The following DHX30 variants were observed in gnomAD, a reference collection of about 807,000 sequenced individuals.
DHX30 encodes ATP-dependent RNA helicase DHX30.
A neutral mutation model predicts 116.9 loss-of-function variants in DHX30; 4 were observed. That is an observed-to-expected ratio of 0.03 (90% CI 0.02 to 0.08). The LOEUF is 0.08. Ranked by LOEUF, DHX30 falls within the 10% of genes least tolerant of loss-of-function variation. The pLI is 1.00. For missense variants in DHX30, 871 were observed against 1,595.1 expected (o/e 0.55, Z 7.73); for synonymous variants, 697 against 651.7 (o/e 1.07, Z -1.06).
At position 47,846,738 on chromosome 3, in the gene DHX30, G is replaced by A. The variant is rs36045705; in HGVS notation, c.1666G>A (p.Val556Ile). 9.2e-5 allele frequency: 149 copies of A among 1,614,018 alleles called. No homozygotes were observed. The African/African-American group carries it at 1.5e-3, about 16-fold the overall frequency. The change falls in exon 11 of 22, where the codon GTC becomes ATC. Residue 556 changes from valine (V) to isoleucine (I), a missense_variant. Coordinates refer to ENST00000445061, the MANE Select transcript of DHX30 (RefSeq NM_138615.3). ...SNPSLEGVSH[V>I]IVDEVHERDV... ...CCCCAGCCTGGAGGGCGTGAGCCAC[G>A]TCATCGTGGATGAGGTGCATGAGCG... is the stretch of plus-strand genomic sequence containing the variant.
At chr3:47,822,415 G>A (rs1188903003) in intron 4 of DHX30, 1 of 152,312 alleles carries the variant, frequency 6.6e-6, no homozygotes, top group Non-Finnish European at 1.5e-5. Context: ...TGGCTGGAGA[G>A]GCCTCACAAC....
Position 47,848,969 on chromosome 3 carries a change from T to C in DHX30, c.2819T>C (p.Val940Ala). 1 of 1,613,368 alleles carries C rather than the reference T, an allele frequency of 6.2e-7. No individual in the cohort carries two copies. Among genetic ancestry groups the C allele is most frequent in the Non-Finnish European group, 8.5e-7 (1 of 1,179,682 alleles). ...HDSGSDHLAF[V>A]RAVAGWEEVL... is the part of the protein sequence containing the mutation. ...AGCGGCAGTGACCACCTGGCCTTTGTGCGGGCTGTCGCCGGCTGGGAGGAG... is the reference window on the plus strand; with the variant it reads ...AGCGGCAGTGACCACCTGGCCTTTGCGCGGGCTGTCGCCGGCTGGGAGGAG... Residue 940 changes from valine (V) to alanine (A), a missense_variant, in exon 18 of 22, where the codon GTG (valine) becomes GCG (alanine). Val to Ala is a moderately conservative substitution (Grantham distance 64, BLOSUM62 0). Coordinates refer to ENST00000445061, the MANE Select transcript of DHX30 (RefSeq NM_138615.3). The surrounding 1 kb of genome is among the most constrained non-coding windows in gnomAD (Gnocchi z 9.4).
At position 47,847,714 on chromosome 3, in the gene DHX30, G is replaced by A. The variant is rs1440789968; in HGVS notation, c.2111-67G>A. 2 of 1,561,630 alleles carry A rather than the reference G, an allele frequency of 1.3e-6. No individual in the cohort carries two copies. The highest frequency in any genetic ancestry group is 1.4e-5 in the African/African-American group (1 of 73,730). On this transcript the variant is annotated intron_variant, in intron 13 of 21. Transcript: ENST00000445061. This position sits in a 1 kb window ranked among gnomAD's most constrained non-coding sequence, Gnocchi z 5.5. ...AAAATGGGGTCAAAATCCTTGCCCT[G>A]CCCACATTCCAGGGGGGAATTCTGG...
At chr3:47,818,214 A>G (rs1377626502) in intron 4 of DHX30, 97 bp downstream of exon 4, 1 of 701,136 alleles carries the variant, frequency 1.4e-6, no homozygotes, top group Non-Finnish European at 2.6e-6. Flanking sequence ...ACAGCCCTCC[A>G]GAAAGTGAGT....
At chr3:47,845,601 T>C (rs376205995) in intron 9 of DHX30, 99 bp from the exon 10 acceptor site, 5 of 1,346,846 alleles carry the variant, frequency 3.7e-6, no homozygotes, top group East Asian at 2.5e-5. Context: ...CTCTTAGAGA[T>C]TACTTGGCAC....
chr3:47,813,521 G>T (rs2035895051), intron 3 of DHX30, among the ~76,000 whole-genome samples: 1 of 152,188 alleles, frequency 6.6e-6, no homozygotes, highest in Non-Finnish European at 1.5e-5. Flanking sequence ...TGAGAGCTTT[G>T]TATTTCTTAG....
At chr3:47,841,408 A>ATCTTATCT (rs1295213049) in intron 7 of DHX30, among the ~76,000 whole-genome samples, 1 of 152,176 alleles carries the variant, frequency 6.6e-6, no homozygotes, top group African/African-American at 2.4e-5. Flanking sequence ...GCTCTCTGCT[A>ATCTTATCT]TCTTATCTGT....
At chr3:47,805,301 A>G (rs1188383906) in intron 1 of DHX30, 25 bp from the exon 2 acceptor site, 1 of 398,918 alleles carries the variant, frequency 2.5e-6, no homozygotes, top group Non-Finnish European at 4.4e-6. Context: ...CCTCCACTGT[A>G]TTGACTCAGC....
chr3:47,810,800 A>G (rs2035754881), intron 3 of DHX30, 89 bp downstream of exon 3: 4 of 1,334,644 alleles, frequency 3.0e-6, no homozygotes, highest in African/African-American at 2.9e-5. Context: ...CCCAGTATGT[A>G]GTTCTTGCAC....
chr3:47,809,566 A>G (rs1219778907), intron 2 of DHX30, among the ~76,000 whole-genome samples: 1 of 152,126 alleles, frequency 6.6e-6, no homozygotes, highest in African/African-American at 2.4e-5. Flanking sequence ...CTTAAAGTAA[A>G]TGTTATCATT....
rs532191042 is a variant in DHX30, at chr3:47,835,907, A to G, written c.367-4970A>G. ...GAGAGTGGCCAGGGGCCATTTGGCA[A>G]TGTCTGTAGGGATTTTCGTTGGACA... On this transcript the variant is annotated intron_variant, in intron 6 of 21. Transcript: ENST00000445061. Among the ~76,000 whole-genome samples the G allele has an allele frequency of 5.9e-5, 9 of 152,306 alleles. No homozygotes were observed. The East Asian group carries it at 1.5e-3, about 26-fold the overall frequency.
chr3:47,815,343 C>T (rs1197798261), intron 3 of DHX30, among the ~76,000 whole-genome samples: 1 of 152,176 alleles, frequency 6.6e-6, no homozygotes, highest in Non-Finnish European at 1.5e-5. Flanking sequence ...ATAGCCTTGC[C>T]TCAGCATGCA....
At chr3:47,824,865 C>T (rs571494586) in intron 4 of DHX30, 4 of 458,066 alleles carry the variant, frequency 8.7e-6, no homozygotes, top group Non-Finnish European at 1.5e-5. Context: ...GCGCCGAGCC[C>T]GCCTACTGAA....
At chr3:47,834,829 G>A (rs983187681) in intron 6 of DHX30, among the ~76,000 whole-genome samples, 4 of 152,138 alleles carry the variant, frequency 2.6e-5, no homozygotes, top group Non-Finnish European at 4.4e-5. Flanking sequence ...TTTGACAGAT[G>A]CTTAGGTTGT....
intron 2 of DHX30, among the ~76,000 whole-genome samples, chr3:47,808,324 C>T (rs1014274253): frequency 6.6e-6 from 1 of 151,902 alleles, no homozygotes; most frequent in Non-Finnish European, 1.5e-5. Flanking sequence ...CGAAGTGATC[C>T]TCCTGCCTCA....
chr3:47,832,233 A>G (rs887441943), intron 6 of DHX30, among the ~76,000 whole-genome samples: 1 of 152,012 alleles, frequency 6.6e-6, no homozygotes, highest in African/African-American at 2.4e-5. Flanking sequence ...GTATCCCCAC[A>G]GTGCTCTGTA....
intron 6 of DHX30, chr3:47,830,817 A>G (rs1453752735): frequency 6.6e-6 from 1 of 151,720 alleles, no homozygotes; most frequent in Non-Finnish European, 1.5e-5. Context: ...CTGGTCCCAA[A>G]CTCCTGGTCT....
chr3:47,830,214 C>T (rs1223483065), intron 6 of DHX30, among the ~76,000 whole-genome samples: 2 of 150,630 alleles, frequency 1.3e-5, no homozygotes, highest in Non-Finnish European at 3.0e-5. Context: ...CTTTGGGAGG[C>T]CGAGGTGGGC....
chr3:47,841,769 G>T (rs1347803855), intron 8 of DHX30, 32 bp downstream of exon 8: 2 of 1,613,904 alleles, frequency 1.2e-6, no homozygotes, highest in Non-Finnish European at 1.7e-6. Flanking sequence ...TTTGTGTGGG[G>T]GCCGTTTACT....
Sources: gnomAD v4.1 joint callset for allele counts (sites outside exome capture counted in the v4.1 genomes callset) on GRCh38, gnomAD v4.1.1 for gene constraint, Gnocchi (gnomAD v3.1) non-coding constraint, MANE v1.5 for transcripts, NCBI Gene and HGNC (gene_info 2026-07-23, HGNC 2026-07-21) for gene names.